ATG10: variants seen among roughly 807,000 people sequenced by gnomAD.
ATG10 encodes the protein ubiquitin-like-conjugating enzyme ATG10.
ATG10 carries 30 observed loss-of-function variants against 32.1 expected under a neutral mutation model. The ratio of observed to expected loss-of-function variants is 0.94; its 90% CI spans 0.70 to 1.27. The LOEUF (loss-of-function observed/expected upper bound fraction) is 1.27, where lower values mean the gene tolerates loss of function less well. Among genes scored for constraint, ATG10 ranks in the 50% most tolerant of loss-of-function variants. ATG10 has a pLI of 0.00. For synonymous variants in ATG10, 87 were observed against 91.5 expected (o/e 0.95, Z 0.28); for missense variants, 233 against 262.3 (o/e 0.89, Z 0.77).
chr5:82,179,630 A>C (rs1744158991), intron 5 of ATG10, among the ~76,000 whole-genome samples: 1 of 152,126 alleles, frequency 6.6e-6, no homozygotes. Flanking sequence ...TTATTTTGGA[A>C]ATTTAAAACT....
intron 3 of ATG10, among the ~76,000 whole-genome samples, chr5:82,138,962 C>T (rs1766905274): frequency 6.7e-6 from 1 of 149,410 alleles, no homozygotes; most frequent in African/African-American, 2.5e-5. Flanking sequence ...GCCTGATTCT[C>T]CTGCCTCAGT....
chr5:82,045,745 A>G (rs1561271166), intron 2 of ATG10, among the ~76,000 whole-genome samples: 1 of 152,102 alleles, frequency 6.6e-6, no homozygotes, highest in East Asian at 1.9e-4. Context: ...TTACATTAAT[A>G]AAAAAGGCTG....
intron 2 of ATG10, among the ~76,000 whole-genome samples, chr5:82,033,000 G>A (rs534912509): frequency 1.8e-4 from 27 of 152,104 alleles, no homozygotes; most frequent in Admixed American, 4.6e-4. Context: ...TGCTTTAGTG[G>A]TAACATATAC....
intron 5 of ATG10, among the ~76,000 whole-genome samples, chr5:82,237,868 A>G (rs1363982855): frequency 6.6e-6 from 1 of 152,188 alleles, no homozygotes; most frequent in Non-Finnish European, 1.5e-5. Flanking sequence ...AAGATCTCTC[A>G]TAGCTCATGA....
intron 3 of ATG10, among the ~76,000 whole-genome samples, chr5:82,117,783 C>G (rs1428757241): frequency 6.6e-6 from 1 of 151,852 alleles, no homozygotes; most frequent in Non-Finnish European, 1.5e-5. Flanking sequence ...GACCAGGGCA[C>G]AGGGGATTGA....
chr5:82,011,713 G>A (rs558955552), intron 2 of ATG10, among the ~76,000 whole-genome samples: 3 of 152,306 alleles, frequency 2.0e-5, no homozygotes, highest in South Asian at 4.1e-4. Flanking sequence ...GGGTTGGGGA[G>A]CACATTCGAA....
At chr5:82,233,217 A>G (rs906401641) in intron 5 of ATG10, among the ~76,000 whole-genome samples, 2 of 152,088 alleles carry the variant, frequency 1.3e-5, no homozygotes, top group African/African-American at 4.8e-5. Context: ...ACTAGATAAT[A>G]TTTTTCCTAT....
chr5:82,251,004 C>G (rs186856176), intron 5 of ATG10, among the ~76,000 whole-genome samples: 87 of 152,286 alleles, frequency 5.7e-4, no homozygotes, highest in Non-Finnish European at 1.1e-3. Context: ...AAGCTGATGC[C>G]TTGCTGGAAG....
intron 2 of ATG10, among the ~76,000 whole-genome samples, chr5:82,057,889 T>C (rs537000370): frequency 6.6e-6 from 1 of 152,216 alleles, no homozygotes; most frequent in Non-Finnish European, 1.5e-5. Flanking sequence ...GGGATTAGAC[T>C]TCAGAGGGCA....
intron 5 of ATG10, among the ~76,000 whole-genome samples, chr5:82,187,407 A>C (rs563173191): frequency 3.4e-5 from 5 of 149,048 alleles, no homozygotes; most frequent in African/African-American, 4.9e-5. Flanking sequence ...GCTACTTGGG[A>C]GGGTGAGGCA....
At chr5:82,136,830 C>T (rs550195421) in intron 3 of ATG10, among the ~76,000 whole-genome samples, 4 of 152,206 alleles carry the variant, frequency 2.6e-5, no homozygotes, top group South Asian at 2.1e-4. Flanking sequence ...CCATTCTTCC[C>T]GTCAGTTTCA....
chr5:81,997,388 C>G (rs994048080), intron 2 of ATG10, among the ~76,000 whole-genome samples: 1 of 152,168 alleles, frequency 6.6e-6, no homozygotes, highest in Non-Finnish European at 1.5e-5. Flanking sequence ...CTGAGGTGAG[C>G]CTTGGCCCCC....
chr5:82,156,125 A>ATT (rs575453807), intron 3 of ATG10, among the ~76,000 whole-genome samples: 53 of 148,828 alleles, frequency 3.6e-4, no homozygotes, highest in African/African-American at 1.3e-3. Context: ...ATGGAAGTGC[A>ATT]TTTAGGCTCC....
At chr5:82,017,660 G>A (rs1490107195) in intron 2 of ATG10, among the ~76,000 whole-genome samples, 3 of 152,126 alleles carry the variant, frequency 2.0e-5, no homozygotes, top group Non-Finnish European at 4.4e-5. Flanking sequence ...ATTTGTTTTA[G>A]AAGAATTTAA....
In ATG10 at chr5:82,002,946, A is replaced by G. The variant is rs531955266; in HGVS notation, c.108+15268A>G. 4.6e-5 allele frequency among the ~76,000 whole-genome samples: 7 copies of G among 152,310 alleles called. No individual in the cohort carries two copies. In the South Asian group the frequency reaches 1.5e-3, roughly 32 times the overall value. Reference sequence around the variant, plus strand: ...ACCCCGAACCTAAAATAAAAGTTCAAAAAAACGAGAAAAAAATTATTTCAC... The same window carrying G: ...ACCCCGAACCTAAAATAAAAGTTCAGAAAAACGAGAAAAAAATTATTTCAC... On this transcript the variant is annotated intron_variant, in intron 2 of 7. Transcript: ENST00000282185.
chr5:82,100,624 G>A (rs1434907610), intron 3 of ATG10, among the ~76,000 whole-genome samples: 1 of 151,978 alleles, frequency 6.6e-6, no homozygotes, highest in African/African-American at 2.4e-5. Flanking sequence ...CTTCAGTGTA[G>A]ATCTGGGCAA....
intron 3 of ATG10, among the ~76,000 whole-genome samples, chr5:82,106,942 G>T (rs925384604): frequency 1.3e-5 from 2 of 151,918 alleles, no homozygotes; most frequent in African/African-American, 4.8e-5. Flanking sequence ...GTATAGAAAA[G>T]GTTCTTTCAG....
chr5:81,996,886 AAT>A (rs1284599043), intron 2 of ATG10, among the ~76,000 whole-genome samples: 1 of 152,348 alleles, frequency 6.6e-6, no homozygotes, highest in East Asian at 1.9e-4. Flanking sequence ...TGAGAAAACA[AAT>A]ATGAAAGTAC....
In ATG10 at chr5:82,080,764, A is replaced by G. The variant is rs981745017; in HGVS notation, c.216+22162A>G. 2.6e-5 allele frequency among the ~76,000 whole-genome samples: 4 copies of G among 152,194 alleles called. No homozygotes were observed. The East Asian group carries it at 5.8e-4, about 22-fold the overall frequency. On this transcript the variant is annotated intron_variant, in intron 3 of 7. Coordinates refer to ENST00000282185, the MANE Select transcript of ATG10 (RefSeq NM_031482.5). Reference sequence around the variant, plus strand: ...AGTACCATGCTGTTTTGGTTACTGTAGCCTTGTAGTATAGTTTGAAGTCAG... The same window carrying G: ...AGTACCATGCTGTTTTGGTTACTGTGGCCTTGTAGTATAGTTTGAAGTCAG...
Sources: allele counts gnomAD v4.1 joint callset (sites outside exome capture counted in the v4.1 genomes callset), GRCh38; gene constraint gnomAD v4.1.1; transcripts MANE v1.5; gene names NCBI Gene and HGNC (gene_info 2026-07-23, HGNC 2026-07-21).